The following NPR2 variants were observed in gnomAD, a reference collection of about 807,000 sequenced individuals.
The protein encoded by NPR2 is natriuretic peptide receptor 2, also known as atrial natriuretic peptide receptor 2.
A neutral mutation model predicts 120.7 loss-of-function variants in NPR2; 49 were observed. The observed-to-expected ratio is 0.41, with a 90% CI of 0.32 to 0.52. NPR2 has a LOEUF of 0.52. NPR2 is among the 20% of genes least tolerant of loss of function. NPR2 has a pLI of 0.36. For missense variants in NPR2, 931 were observed against 1,362.9 expected (o/e 0.68, Z 4.99); for synonymous variants, 484 against 519.8 (o/e 0.93, Z 0.94).
chr9:35,808,480 G>A lies in NPR2; in HGVS notation c.2713-29G>A. ...TCCCATCCCCATGGATATAAATAGA[G>A]GTGACCTTTTAATCCCCCTCTCAAT... On this transcript the variant is annotated intron_variant, in intron 18 of 21. Transcript: ENST00000342694. This position sits in a 1 kb window ranked among gnomAD's most constrained non-coding sequence, Gnocchi z 4.0. 6.2e-7 allele frequency: 1 copy of A among 1,611,766 alleles called. No homozygotes were observed. The highest frequency in any genetic ancestry group is 8.5e-7 in the Non-Finnish European group (1 of 1,178,142).
rs1828218730 is a variant in NPR2 at position 35,802,660 on chromosome 9, G to A, written c.1815+53G>A. 6.8e-7 allele frequency: 1 copy of A among 1,479,572 alleles called. No homozygotes were observed. The highest frequency in any genetic ancestry group is 9.5e-7 in the Non-Finnish European group (1 of 1,057,328). The allele number at this position is 1,479,572 out of a possible 1,614,324, so 91.7% of individuals were successfully genotyped here. On this transcript the variant is annotated intron_variant, in intron 11 of 21. Coordinates refer to ENST00000342694, the MANE Select transcript of NPR2 (RefSeq NM_003995.4). The surrounding 1 kb of genome is among the most constrained non-coding windows in gnomAD (Gnocchi z 4.2). ...CAGGGGTGGGAAGGATAGACCCAAA[G>A]TTATACTGACTCTATGCTGGGTGAT...
In NPR2 at chr9:35,792,627, C is replaced by A. The variant is rs1413324610; in HGVS notation, c.219C>A (p.Gly73=). ...DLRFVSSELE[G]ACSEYLAPLS... ...GGTTTGTCAGCTCCGAACTGGAAGG[C>A]GCCTGCTCTGAGTACCTGGCACCGC... Residue 73 remains glycine (G), a synonymous_variant, in exon 1 of 22, where the codon GGC becomes GGA. Coordinates refer to ENST00000342694, the MANE Select transcript of NPR2 (RefSeq NM_003995.4). The A allele has an allele frequency of 1.2e-6, 2 of 1,613,838 alleles. No homozygotes were observed. Among genetic ancestry groups the A allele is most frequent in the Admixed American group, 3.3e-5 (2 of 60,002 alleles).
chr9:35,806,946 C>T lies in NPR2; in HGVS notation c.2520-77C>T. On this transcript the variant is annotated intron_variant, in intron 16 of 21. Coordinates refer to ENST00000342694, the MANE Select transcript of NPR2 (RefSeq NM_003995.4). This position sits in a 1 kb window ranked among gnomAD's most constrained non-coding sequence, Gnocchi z 4.6. Reference sequence around the variant, plus strand: ...TTCTTGTTACAGCTCATCTCTGCTGCAGCCACATACACTTTCCCTCTCTCT... The same window carrying T: ...TTCTTGTTACAGCTCATCTCTGCTGTAGCCACATACACTTTCCCTCTCTCT... 6.6e-7 allele frequency: 1 copy of T among 1,511,480 alleles called. No homozygotes were observed. The highest frequency in any genetic ancestry group is 9.2e-7 in the Non-Finnish European group (1 of 1,091,978). The allele number at this position is 1,511,480 out of a possible 1,614,324, so 93.6% of individuals were successfully genotyped here. A position where few individuals can be genotyped will look rare whatever the true frequency, so the allele number is the denominator to read the frequency against.
rs113554385 is a variant in NPR2, at chr9:35,808,972, G to A, written c.2986+119G>A. 8.5e-6 allele frequency: 8 copies of A among 937,598 alleles called. No homozygotes were observed. The highest frequency in any genetic ancestry group is 3.5e-5 in the Admixed American group (2 of 57,146). The allele number at this position is 937,598 out of a possible 1,614,324, so 58.1% of individuals were successfully genotyped here. A position where few individuals can be genotyped will look rare whatever the true frequency, so the allele number is the denominator to read the frequency against. ...CACAGTTCCTTAGTGTCGCATCCTC[G>A]GGCATATTTTGGTTCTAATAGATAT... On this transcript the variant is annotated intron_variant, in intron 20 of 21. Coordinates refer to ENST00000342694, the MANE Select transcript of NPR2 (RefSeq NM_003995.4). The surrounding 1 kb of genome is among the most constrained non-coding windows in gnomAD (Gnocchi z 4.0).
In NPR2 at chr9:35,802,106, C is replaced by T; in HGVS notation, c.1633-100C>T. The T allele has an allele frequency of 1.5e-6, 2 of 1,317,442 alleles. No homozygotes were observed. The highest frequency in any genetic ancestry group is 1.4e-5 in the African/African-American group (1 of 69,058). The allele number at this position is 1,317,442 out of a possible 1,614,324, so 81.6% of individuals were successfully genotyped here. A position where few individuals can be genotyped will look rare whatever the true frequency, so the allele number is the denominator to read the frequency against. ...TGTCCCTCATACCCGACTCTCTGTGCCCAGCTGAGCTCCTGGGTGCTTCCA... is the reference window on the plus strand; with the variant it reads ...TGTCCCTCATACCCGACTCTCTGTGTCCAGCTGAGCTCCTGGGTGCTTCCA... On this transcript the variant is annotated intron_variant, in intron 9 of 21. Transcript: ENST00000342694. This position sits in a 1 kb window ranked among gnomAD's most constrained non-coding sequence, Gnocchi z 4.2.
chr9:35,806,137 A>C lies in NPR2; in HGVS notation c.2276A>C (p.Glu759Ala). 1 of 1,614,184 alleles carries C rather than the reference A, an allele frequency of 6.2e-7. No homozygotes were observed. Among genetic ancestry groups the C allele is most frequent in the Admixed American group, 1.7e-5 (1 of 60,018 alleles). Residue 759 changes from glutamate to alanine, a missense_variant, in exon 15 of 22, where the codon GAA (glutamate) becomes GCA (alanine). Physicochemically the swap from Glu to Ala is moderately radical, Grantham distance 107 (BLOSUM62 -1). Transcript: ENST00000342694. The surrounding 1 kb of genome is among the most constrained non-coding windows in gnomAD (Gnocchi z 4.6). ...RPSIDRTQLNEELVLLMERCW... is the reference protein window; with the variant it reads ...RPSIDRTQLNAELVLLMERCW... ...AGCATTGACCGGACCCAACTGAATG[A>C]AGAGCTAGTTTTGCTGATGGAGCGA...
chr9:35,800,731 C>A lies in NPR2; in HGVS notation c.1241C>A (p.Ala414Asp), dbSNP rs575052079. Residue 414 changes from alanine (A) to aspartate (D), a missense_variant, in exon 6 of 22, where the codon GCT (alanine) becomes GAT (aspartate). Physicochemically the swap from Ala to Asp is moderately radical, Grantham distance 126. This residue lies in a region of NPR2 where 681 missense variants were observed against 974.3 expected (regional missense o/e 0.70). Transcript: ENST00000342694. This position sits in a 1 kb window ranked among gnomAD's most constrained non-coding sequence, Gnocchi z 4.7. ...CAGCCTGCAGCCCACTACTCGGGAG[C>A]TGAGAAGCAGATTTGGTGGACGGGA... ...DFQPAAHYSG[A>D]EKQIWWTGRP... 1.9e-6 allele frequency: 3 copies of A among 1,614,142 alleles called. No homozygotes were observed. The highest frequency in any genetic ancestry group is 2.2e-5 in the East Asian group (1 of 44,884).
In NPR2 at chr9:35,791,792, G is replaced by T. The variant is rs1302833678; in HGVS notation, c.-617G>T. ...CGCCGTAGCTCCGGATGGGACCAGCGCCCGGGCCCGTTAGTCCAAGCAGGA... is the reference window on the plus strand; with the variant it reads ...CGCCGTAGCTCCGGATGGGACCAGCTCCCGGGCCCGTTAGTCCAAGCAGGA... On this transcript the variant is annotated 5_prime_UTR_variant, in exon 1 of 22. Coordinates refer to ENST00000342694, the MANE Select transcript of NPR2 (RefSeq NM_003995.4). Among the ~76,000 whole-genome samples, 1 of 151,924 alleles carries T rather than the reference G, an allele frequency of 6.6e-6. No homozygotes were observed. The highest frequency in any genetic ancestry group is 1.5e-5 in the Non-Finnish European group (1 of 67,868).
rs200486126 is a variant in NPR2, at chr9:35,807,156, A to G, written c.2643+10A>G. The G allele has an allele frequency of 1.5e-4, 129 of 869,936 alleles. No individual in the cohort carries two copies. The East Asian group carries it at 6.5e-3, about 44-fold the overall frequency. 53.9% of individuals were successfully genotyped at this position (869,936 alleles called of 1,614,324 possible). ...GAGCACCCCCATGCAGGTGAGAGCC[A>G]TGGGTGAGAGGTGGCGGGTGGGGTT... is the stretch of plus-strand genomic sequence containing the variant. On this transcript the variant is annotated intron_variant, in intron 17 of 21. Coordinates refer to ENST00000342694, the MANE Select transcript of NPR2 (RefSeq NM_003995.4).
chr9:35,793,293 G>T (rs1398096719), intron 1 of NPR2, among the ~76,000 whole-genome samples: 1 of 152,178 alleles, frequency 6.6e-6, no homozygotes, highest in Non-Finnish European at 1.5e-5. Flanking sequence ...GAAGAAGAGA[G>T]CATGAGGGGT....
intron 7 of NPR2, 147 bp from the exon 8 acceptor site, chr9:35,801,496 G>A (rs888592502): frequency 1.8e-5 from 16 of 871,142 alleles, no homozygotes; most frequent in African/African-American, 1.8e-4. Flanking sequence ...CAGATATGCC[G>A]AGAATGCAGC....
Position 35,800,019 on chromosome 9 carries a change from C to G in NPR2, c.988-3C>G. 6.2e-7 allele frequency: 1 copy of G among 1,613,926 alleles called. No individual in the cohort carries two copies. Among genetic ancestry groups the G allele is most frequent in the Non-Finnish European group, 8.5e-7 (1 of 1,180,020 alleles). On this transcript the variant is annotated splice_polypyrimidine_tract_variant and splice_region_variant and intron_variant, in intron 3 of 21. Coordinates refer to ENST00000342694, the MANE Select transcript of NPR2 (RefSeq NM_003995.4). The surrounding 1 kb of genome is among the most constrained non-coding windows in gnomAD (Gnocchi z 4.7). ...AGAGTACTGCTGAAGTTGCCACCCCCAGATGAACCTCATCGCTGGCTGCTT... is the reference window on the plus strand; with the variant it reads ...AGAGTACTGCTGAAGTTGCCACCCCGAGATGAACCTCATCGCTGGCTGCTT...
In NPR2 at chr9:35,800,823, G is replaced by A. The variant is rs775106580; in HGVS notation, c.1333G>A (p.Asp445Asn). ...TCCCCCCTGTGCCTTTGACTTGGAC[G>A]ACCCATCCTGTGATAAAAGTGGGTG... ...DNPPCAFDLD[D>N]PSCDKTPLST... The change falls in exon 6 of 22, where the codon GAC becomes AAC. Residue 445 changes from aspartate (D) to asparagine (N), a missense_variant. By Grantham distance (23) the Asp-to-Asn change is conservative. This residue lies in a region of NPR2 where 681 missense variants were observed against 974.3 expected (regional missense o/e 0.70). Transcript: ENST00000342694. The surrounding 1 kb of genome is among the most constrained non-coding windows in gnomAD (Gnocchi z 4.7). 9 of 1,614,012 alleles carry A rather than the reference G, an allele frequency of 5.6e-6. No homozygotes were observed. The East Asian group carries it at 1.1e-4, about 20-fold the overall frequency.
In NPR2 at chr9:35,806,551, C is replaced by T. The variant is rs779207113; in HGVS notation, c.2519+13C>T. ...AAATCCTACCCCAGTGAGACTTTGT[C>T]CCCCTTCCTGTATTTTCTTTTGGGA... is the stretch of plus-strand genomic sequence containing the variant. On this transcript the variant is annotated intron_variant, in intron 16 of 21. Transcript: ENST00000342694. The surrounding 1 kb of genome is among the most constrained non-coding windows in gnomAD (Gnocchi z 4.6). 3 of 1,614,074 alleles carry T rather than the reference C, an allele frequency of 1.9e-6. No individual in the cohort carries two copies. The highest frequency in any genetic ancestry group is 2.5e-6 in the Non-Finnish European group (3 of 1,179,974).
At chr9:35,794,195 A>C in intron 2 of NPR2, 92 bp downstream of exon 2, 1 of 1,249,666 alleles carries the variant, frequency 8.0e-7, no homozygotes, top group Non-Finnish European at 1.1e-6. Context: ...CCTAGGAACC[A>C]GGCAGGAATT....
rs1419976972 is a variant in NPR2, at chr9:35,806,035, T to C, written c.2204-30T>C. 6.2e-7 allele frequency: 1 copy of C among 1,614,194 alleles called. No individual in the cohort carries two copies. Among genetic ancestry groups the C allele is most frequent in the Admixed American group, 1.7e-5 (1 of 60,026 alleles). On this transcript the variant is annotated intron_variant, in intron 14 of 21. Coordinates refer to ENST00000342694, the MANE Select transcript of NPR2 (RefSeq NM_003995.4). The surrounding 1 kb of genome is among the most constrained non-coding windows in gnomAD (Gnocchi z 4.6). ...GCCTCTTCTTCCTGGGGGAACTCTG[T>C]TCTTCATCCAAACCTTTGATCACCC...
Position 35,799,503 on chromosome 9 carries a change from C to G in NPR2, c.874-115C>G, listed in dbSNP as rs75059730. On this transcript the variant is annotated intron_variant, in intron 2 of 21. Transcript: ENST00000342694. ...AGCCCTTTCAAAGCCTTCAGACTCA[C>G]CTGTGTATATTTTATATCATGTATA... The G allele has an allele frequency of 1.8e-3, 1,389 of 780,432 alleles. 3 individuals are homozygous for G. The highest frequency in any genetic ancestry group is 2.5e-3 in the Non-Finnish European group (1,104 of 438,736). The allele number at this position is 780,432 out of a possible 1,614,324, so 48.3% of individuals were successfully genotyped here.
rs61758525 is a variant in NPR2, at chr9:35,800,293, C to T, written c.1124-96C>T. The T allele has an allele frequency of 1.4e-4, 196 of 1,410,348 alleles. No homozygotes were observed. Among genetic ancestry groups the T allele is most frequent in the African/African-American group, 1.2e-3 (83 of 70,850 alleles). 87.4% of individuals were successfully genotyped at this position (1,410,348 alleles called of 1,614,324 possible). Reference sequence around the variant, plus strand: ...GGCAGAGTTGCCCACACCTCAAGATCGGGGAAGGGTAGACTCTGAGGGAGC... The same window carrying T: ...GGCAGAGTTGCCCACACCTCAAGATTGGGGAAGGGTAGACTCTGAGGGAGC... On this transcript the variant is annotated intron_variant, in intron 4 of 21. Transcript: ENST00000342694. This position sits in a 1 kb window ranked among gnomAD's most constrained non-coding sequence, Gnocchi z 4.7.
In NPR2 at chr9:35,806,386, C is replaced by T; in HGVS notation, c.2373-6C>T. The T allele has an allele frequency of 6.2e-7, 1 of 1,613,862 alleles. No individual in the cohort carries two copies. On this transcript the variant is annotated splice_region_variant and splice_polypyrimidine_tract_variant and intron_variant, in intron 15 of 21. Transcript: ENST00000342694. This position sits in a 1 kb window ranked among gnomAD's most constrained non-coding sequence, Gnocchi z 4.6. ...GAGCAAGTGCCTTATCCTGGCCTCC[C>T]TCTAGGGAGGGTGGCACCAGCATAT...
Sources: gnomAD v4.1 joint callset for allele counts (sites outside exome capture counted in the v4.1 genomes callset) on GRCh38, gnomAD v4.1.1 for gene constraint, gnomAD v4.1.1 regional missense constraint, Gnocchi (gnomAD v3.1) non-coding constraint, MANE v1.5 for transcripts, NCBI Gene and HGNC (gene_info 2026-07-23, HGNC 2026-07-21) for gene names.